Variants in ATP8A1 observed in about 807,000 individuals in gnomAD.
ATP8A1 encodes the protein ATPase phospholipid transporting 8A1.
In ATP8A1, 90 loss-of-function variants were observed where a neutral mutation model predicts 177.7. The observed-to-expected ratio is 0.51, with a 90% CI of 0.43 to 0.60. The LOEUF is 0.60. Ranked by LOEUF, ATP8A1 falls within the 20% of genes least tolerant of loss-of-function variation. The pLI is 0.00. For synonymous variants in ATP8A1, 493 were observed against 485.9 expected, an observed-to-expected ratio of 1.01 and a Z score of -0.19; for missense variants, 1,072 against 1,392.8, an observed-to-expected ratio of 0.77 and a Z score of 3.67.
intron 6 of ATP8A1, among the ~76,000 whole-genome samples, chr4:42,596,941 A>G (rs1734779779): frequency 6.6e-6 from 1 of 152,206 alleles, no homozygotes; most frequent in African/African-American, 2.4e-5. Flanking sequence ...TTCAGGAGTC[A>G]CAATGTAGTT....
At chr4:42,638,544 AAAT>A (rs1235489874) in intron 1 of ATP8A1, among the ~76,000 whole-genome samples, 1 of 152,232 alleles carries the variant, frequency 6.6e-6, no homozygotes, top group African/African-American at 2.4e-5. Context: ...TATTAACCTA[AAAT>A]AATAGTCATC....
At chr4:42,418,606 G>A (rs1013894684) in intron 35 of ATP8A1, among the ~76,000 whole-genome samples, 3 of 152,160 alleles carry the variant, frequency 2.0e-5, no homozygotes, top group African/African-American at 7.2e-5. Flanking sequence ...TTTGGTAGAA[G>A]TCATGAGGCA....
At chr4:42,462,274 G>T (rs770321779) in intron 27 of ATP8A1, among the ~76,000 whole-genome samples, 19 of 152,226 alleles carry the variant, frequency 1.2e-4, no homozygotes, top group Non-Finnish European at 2.6e-4. Context: ...AGTTTTCATG[G>T]CAGCCCCTTC....
intron 14 of ATP8A1, 36 bp from the exon 15 acceptor site, chr4:42,569,241 A>G: frequency 6.4e-7 from 1 of 1,560,154 alleles, no homozygotes; most frequent in East Asian, 2.3e-5. Flanking sequence ...AAAGAGAGGA[A>G]AAATAATCAC....
chr4:42,567,269 T>A (rs1223705729), intron 15 of ATP8A1, among the ~76,000 whole-genome samples: 1 of 152,226 alleles, frequency 6.6e-6, no homozygotes, highest in Non-Finnish European at 1.5e-5. Flanking sequence ...CTGGGCATGG[T>A]GGCTGACACC....
chr4:42,630,468 T>C (rs1371684599), intron 1 of ATP8A1, among the ~76,000 whole-genome samples: 1 of 152,180 alleles, frequency 6.6e-6, no homozygotes, highest in East Asian at 1.9e-4. Flanking sequence ...CGAGTGCCGT[T>C]CTTGATCTGG....
chr4:42,552,665 G>C, intron 16 of ATP8A1, 55 bp from the exon 17 acceptor site: 3 of 1,242,022 alleles, frequency 2.4e-6, no homozygotes, highest in Non-Finnish European at 3.5e-6. Flanking sequence ...TTTTGACACT[G>C]ACAGTAATAT....
intron 7 of ATP8A1, among the ~76,000 whole-genome samples, chr4:42,589,566 G>A (rs1209008581): frequency 1.3e-5 from 2 of 152,022 alleles, no homozygotes; most frequent in African/African-American, 4.8e-5. Flanking sequence ...TTTACCCTAT[G>A]AGCTTTCTTT....
At chr4:42,422,668 T>A (rs1271263627) in intron 35 of ATP8A1, 139 bp downstream of exon 35, 2 of 649,336 alleles carry the variant, frequency 3.1e-6, no homozygotes, top group Non-Finnish European at 5.3e-6. Flanking sequence ...TAAATCCACA[T>A]GTCTCTGACT....
intron 27 of ATP8A1, among the ~76,000 whole-genome samples, chr4:42,456,276 C>T (rs995127525): frequency 6.6e-6 from 1 of 152,086 alleles, no homozygotes; most frequent in Non-Finnish European, 1.5e-5. Context: ...TTATAAATAA[C>T]TCTAAACTGA....
chr4:42,552,770 C>T (rs1050971404), intron 16 of ATP8A1, among the ~76,000 whole-genome samples, 160 bp from the exon 17 acceptor site: 1 of 152,132 alleles, frequency 6.6e-6, no homozygotes, highest in Non-Finnish European at 1.5e-5. Flanking sequence ...GGTGGATCGC[C>T]TAAGGTCAGG....
intron 20 of ATP8A1, among the ~76,000 whole-genome samples, chr4:42,528,379 T>C (rs1383227004): frequency 1.3e-5 from 2 of 151,922 alleles, no homozygotes; most frequent in African/African-American, 4.8e-5. Context: ...AGTGCCACCA[T>C]CAAGGACTTG....
intron 15 of ATP8A1, among the ~76,000 whole-genome samples, chr4:42,556,803 G>T (rs1347903920): frequency 6.6e-6 from 1 of 152,070 alleles, no homozygotes; most frequent in Non-Finnish European, 1.5e-5. Context: ...GGTATAGTTT[G>T]CAAAATTTAG....
intron 33 of ATP8A1, among the ~76,000 whole-genome samples, chr4:42,435,762 C>T (rs951113999): frequency 7.2e-5 from 11 of 152,220 alleles, no homozygotes; most frequent in African/African-American, 2.7e-4. Flanking sequence ...TGCTCTTCTT[C>T]ATATGACAGG....
At chr4:42,454,303 T>C (rs556002247) in intron 29 of ATP8A1, among the ~76,000 whole-genome samples, 132 of 152,332 alleles carry the variant, frequency 8.7e-4, no homozygotes, top group Non-Finnish European at 2.5e-4. Flanking sequence ...CACTTTATTC[T>C]CTTGGCATAT....
At chr4:42,440,953 C>T (rs2153173864) in intron 33 of ATP8A1, among the ~76,000 whole-genome samples, 1 of 152,220 alleles carries the variant, frequency 6.6e-6, no homozygotes, top group South Asian at 2.1e-4. Flanking sequence ...GAATTGCTGC[C>T]AAATCAACAC....
At chr4:42,600,623 G>A in intron 5 of ATP8A1, 105 bp from the exon 6 acceptor site, 1 of 1,019,168 alleles carries the variant, frequency 9.8e-7, no homozygotes, top group Non-Finnish European at 1.4e-6. Flanking sequence ...AAAATAACTA[G>A]TAGCAATTTT....
intron 22 of ATP8A1, among the ~76,000 whole-genome samples, chr4:42,515,789 C>T (rs1578087841): frequency 6.6e-6 from 1 of 152,184 alleles, no homozygotes; most frequent in African/African-American, 2.4e-5. Flanking sequence ...GAACCTGCCA[C>T]GCAGCGGTGC....
At chr4:42,437,307 T>C (rs901436711) in intron 33 of ATP8A1, among the ~76,000 whole-genome samples, 1 of 152,240 alleles carries the variant, frequency 6.6e-6, no homozygotes, top group African/African-American at 2.4e-5. Flanking sequence ...CAAAAAATAC[T>C]CAGTAACATC....
Sources: gnomAD v4.1 joint callset for allele counts (sites outside exome capture counted in the v4.1 genomes callset) on GRCh38, gnomAD v4.1.1 for gene constraint, MANE v1.5 for transcripts, NCBI Gene and HGNC (gene_info 2026-07-23, HGNC 2026-07-21) for gene names.